Variants in TMEM132D observed in about 807,000 individuals in gnomAD.
TMEM132D encodes transmembrane protein 132D, also known as mature OL transmembrane protein.
In TMEM132D, 21 loss-of-function variants were observed where a neutral mutation model predicts 62.3. That is an observed-to-expected ratio of 0.34 (90% confidence interval 0.24 to 0.49). TMEM132D has a LOEUF of 0.49. Among genes scored for constraint, TMEM132D ranks in the 20% least tolerant of loss-of-function variants. The pLI is 0.99. For missense variants in TMEM132D, 1,346 were observed against 1,402.8 expected, an observed-to-expected ratio of 0.96 and a Z score of 0.65; for synonymous variants, 621 against 575.6, an observed-to-expected ratio of 1.08 and a Z score of -1.13.
intron 4 of TMEM132D, among the ~76,000 whole-genome samples, chr12:129,222,688 A>G (rs1479304085): frequency 6.6e-6 from 1 of 152,176 alleles, no homozygotes; most frequent in East Asian, 1.9e-4. Flanking sequence ...CTTATAGGTG[A>G]TATCTAAAGA....
At chr12:129,397,652 T>C (rs531441527) in intron 3 of TMEM132D, among the ~76,000 whole-genome samples, 4 of 152,188 alleles carry the variant, frequency 2.6e-5, no homozygotes, top group Non-Finnish European at 5.9e-5. Context: ...CAGAAATGTG[T>C]CTAACATAAT....
At chr12:129,574,754 A>T (rs1877611966) in intron 2 of TMEM132D, among the ~76,000 whole-genome samples, 1 of 151,812 alleles carries the variant, frequency 6.6e-6, no homozygotes, top group Admixed American at 6.6e-5. Context: ...TGGGTCCCAC[A>T]CATGAACAAC....
intron 4 of TMEM132D, among the ~76,000 whole-genome samples, chr12:129,317,156 A>G (rs2135640328): frequency 6.6e-6 from 1 of 152,326 alleles, no homozygotes; most frequent in African/African-American, 2.4e-5. Flanking sequence ...GTACCCTCGC[A>G]TTCATCATGC....
chr12:129,595,364 G>C (rs879499209), intron 2 of TMEM132D, among the ~76,000 whole-genome samples: 2 of 152,178 alleles, frequency 1.3e-5, no homozygotes, highest in Admixed American at 1.3e-4. Flanking sequence ...TGTTACTTTA[G>C]GATAAGGATT....
chr12:129,472,295 G>A lies in TMEM132D; in HGVS notation c.1115+58764C>T, dbSNP rs1874115425. 3.3e-5 allele frequency among the ~76,000 whole-genome samples: 5 copies of A among 152,278 alleles called. No individual in the cohort carries two copies. In the South Asian group the frequency reaches 1.0e-3, roughly 32 times the overall value. ...TCATGTCCTTTGCAGGGACTTGGATGAAGCTGGAAACTATCATCCTCAGCA... is the reference window on the plus strand; with the variant it reads ...TCATGTCCTTTGCAGGGACTTGGATAAAGCTGGAAACTATCATCCTCAGCA... On this transcript the variant is annotated intron_variant, in intron 3 of 8. Coordinates refer to ENST00000422113, the MANE Select transcript of TMEM132D (RefSeq NM_133448.3).
intron 3 of TMEM132D, among the ~76,000 whole-genome samples, chr12:129,338,836 A>G (rs1177079555): frequency 1.3e-5 from 2 of 152,184 alleles, no homozygotes; most frequent in Admixed American, 1.3e-4. Flanking sequence ...AATCTCACCC[A>G]AGTTTACCGG....
intron 5 of TMEM132D, among the ~76,000 whole-genome samples, chr12:129,189,444 T>G (rs1391069253): frequency 6.6e-6 from 1 of 152,030 alleles, no homozygotes; most frequent in Non-Finnish European, 1.5e-5. Context: ...TAGACAACTT[T>G]GTGGGGGGTG....
At chr12:129,527,586 C>A (rs916751877) in intron 3 of TMEM132D, among the ~76,000 whole-genome samples, 2 of 152,102 alleles carry the variant, frequency 1.3e-5, no homozygotes, top group African/African-American at 4.8e-5. Flanking sequence ...CTCCTTTCTA[C>A]GTGACACCTA....
At chr12:129,695,916 AT>A (rs1469603627) in intron 2 of TMEM132D, among the ~76,000 whole-genome samples, 1 of 152,124 alleles carries the variant, frequency 6.6e-6, no homozygotes, top group African/African-American at 2.4e-5. Context: ...AAACCCTTTT[AT>A]TTATTATTTT....
intron 4 of TMEM132D, among the ~76,000 whole-genome samples, chr12:129,321,184 T>C (rs80191989): frequency 0.012 from 1,866 of 152,306 alleles, 40 homozygotes; most frequent in African/African-American, 0.042. Context: ...AGCTAGACAA[T>C]TTCCCAGTGG....
chr12:129,797,228 T>C (rs4759984), intron 1 of TMEM132D, among the ~76,000 whole-genome samples: 102,481 of 151,998 alleles, frequency 0.67, 35,645 homozygotes, highest in Non-Finnish European at 0.78. Context: ...TCAGGGTCTT[T>C]CACTTGCCTG....
At chr12:129,825,986 C>T (rs1484596475) in intron 1 of TMEM132D, among the ~76,000 whole-genome samples, 1 of 152,146 alleles carries the variant, frequency 6.6e-6, no homozygotes, top group African/African-American at 2.4e-5. Context: ...ATCATGAGCT[C>T]AGGGGGCAGA....
chr12:129,514,673 T>C (rs1875620639), intron 3 of TMEM132D, among the ~76,000 whole-genome samples: 1 of 152,236 alleles, frequency 6.6e-6, no homozygotes, highest in South Asian at 2.1e-4. Flanking sequence ...GTAAATTAGA[T>C]GCCTAATATA....
Position 129,899,222 on chromosome 12 carries a change from CAGAT to C in TMEM132D, c.79+4035_79+4038del, listed in dbSNP as rs543293419. Among the ~76,000 whole-genome samples the C allele has an allele frequency of 2.3e-3, 310 of 134,764 alleles. 41 individuals are homozygous for C. The highest frequency in any genetic ancestry group is 8.9e-3 in the African/African-American group (276 of 31,132). 88.4% of individuals were successfully genotyped at this position (134,764 alleles called of 152,430 possible). A position where few individuals can be genotyped will look rare whatever the true frequency, so the allele number is the denominator to read the frequency against. On this transcript the variant is annotated intron_variant, in intron 1 of 8. Coordinates refer to ENST00000422113, the MANE Select transcript of TMEM132D (RefSeq NM_133448.3). ...ATGAATGGATGGATGGGCAGACAGACAGATGGAAGGATGGATGGATGGATGGATG... is the reference window on the plus strand; with the variant it reads ...ATGAATGGATGGATGGGCAGACAGACGGAAGGATGGATGGATGGATGGATG...
intron 4 of TMEM132D, among the ~76,000 whole-genome samples, chr12:129,236,523 AAAAAAAAAG>A (rs1301971243): frequency 5.0e-4 from 74 of 147,082 alleles, no homozygotes; most frequent in African/African-American, 1.6e-3. Flanking sequence ...TCAAAAAAAA[AAAAAAAAAG>A]AAAAAAAAAA....
At chr12:129,892,178 G>A (rs2669598) in intron 1 of TMEM132D, among the ~76,000 whole-genome samples, 144,178 of 152,270 alleles carry the variant, frequency 0.95, 68,750 homozygotes, top group East Asian at 1. Flanking sequence ...TAAACAGGTG[G>A]CCACTTATAA....
chr12:129,588,283 T>C (rs1878086546), intron 2 of TMEM132D, among the ~76,000 whole-genome samples: 1 of 152,228 alleles, frequency 6.6e-6, no homozygotes, highest in Non-Finnish European at 1.5e-5. Flanking sequence ...TGAGGGGCTC[T>C]TTTCAGCCCT....
rs761906305 is a variant in TMEM132D at position 129,423,313 on chromosome 12, A to C, written c.1116-85496T>G. 2.6e-5 allele frequency among the ~76,000 whole-genome samples: 4 copies of C among 152,188 alleles called. No individual in the cohort carries two copies. The South Asian group carries it at 8.3e-4, about 32-fold the overall frequency. ...TGCTCTGCAAACTAGAATAAAACTA[A>C]GGAAAATCAGCCAAGGTGGAATAAC... On this transcript the variant is annotated intron_variant, in intron 3 of 8. Transcript: ENST00000422113.
In TMEM132D at chr12:129,220,876, G is replaced by A. The variant is rs750309618; in HGVS notation, c.1300-11213C>T. On this transcript the variant is annotated intron_variant, in intron 4 of 8. Coordinates refer to ENST00000422113, the MANE Select transcript of TMEM132D (RefSeq NM_133448.3). ...TCCTCCTGTTATATCATATTCAGGC[G>A]TAATATTTAAAAATGAAAAAAAAAA... Among the ~76,000 whole-genome samples the A allele has an allele frequency of 2.9e-4, 42 of 144,978 alleles. 1 individual carries two copies. Among genetic ancestry groups the A allele is most frequent in the Admixed American group, 3.5e-4 (5 of 14,458 alleles).
Sources: gnomAD v4.1 joint callset for allele counts (sites outside exome capture counted in the v4.1 genomes callset) on GRCh38, gnomAD v4.1.1 for gene constraint, MANE v1.5 for transcripts, NCBI Gene and HGNC (gene_info 2026-07-23, HGNC 2026-07-21) for gene names.